Variants in ELOVL6 observed in about 807,000 individuals in gnomAD.
ELOVL6 encodes ELOVL fatty acid elongase 6.
In ELOVL6, 8 loss-of-function variants were observed where a neutral mutation model predicts 31.7. The ratio of observed to expected loss-of-function variants is 0.25; its 90% confidence interval spans 0.15 to 0.45. ELOVL6 has a LOEUF of 0.45. Ranked by LOEUF, ELOVL6 falls within the 20% of genes least tolerant of loss-of-function variation. The pLI is 1.00. For synonymous variants in ELOVL6, 101 were observed against 117.7 expected, an observed-to-expected ratio of 0.86 and a Z score of 0.92; for missense variants, 126 against 326.4, an observed-to-expected ratio of 0.39 and a Z score of 4.73.
At chr4:110,074,607 C>A (rs750712806) in intron 2 of ELOVL6, among the ~76,000 whole-genome samples, 1 of 152,086 alleles carries the variant, frequency 6.6e-6, no homozygotes, top group Non-Finnish European at 1.5e-5. Context: ...TTTGTTGGAG[C>A]TTATATCTTA....
At chr4:110,169,407 T>G (rs1381693125) in intron 1 of ELOVL6, among the ~76,000 whole-genome samples, 1 of 149,554 alleles carries the variant, frequency 6.7e-6, no homozygotes, top group Admixed American at 6.7e-5. Flanking sequence ...CCCAGCTAAT[T>G]TTTGTATTTT....
intron 2 of ELOVL6, among the ~76,000 whole-genome samples, chr4:110,083,947 A>ATG (rs1491366021): frequency 1.5e-5 from 1 of 68,024 alleles, no homozygotes; most frequent in Non-Finnish European, 3.0e-5. Context: ...TATATATAAC[A>ATG]TGTTATATAT....
intron 2 of ELOVL6, among the ~76,000 whole-genome samples, chr4:110,077,302 C>T (rs868813632): frequency 3.9e-5 from 6 of 152,168 alleles, no homozygotes; most frequent in Non-Finnish European, 7.3e-5. Context: ...TCAAGTGGGT[C>T]CCTGACCCCC....
At chr4:110,134,406 G>A (rs1757753794) in intron 1 of ELOVL6, among the ~76,000 whole-genome samples, 1 of 152,156 alleles carries the variant, frequency 6.6e-6, no homozygotes, top group South Asian at 2.1e-4. Context: ...CTTACCCTCA[G>A]GAGTCACTAT....
At chr4:110,171,133 C>T (rs1037172591) in intron 1 of ELOVL6, among the ~76,000 whole-genome samples, 31 of 152,160 alleles carry the variant, frequency 2.0e-4, no homozygotes, top group Non-Finnish European at 2.6e-4. Context: ...GTTGGCCAGG[C>T]GCTGTGGCTC....
intron 1 of ELOVL6, among the ~76,000 whole-genome samples, chr4:110,136,903 C>A (rs1415776999): frequency 6.6e-6 from 1 of 152,122 alleles, no homozygotes; most frequent in African/African-American, 2.4e-5. Flanking sequence ...ACAGGAATAT[C>A]TAGATGTCTT....
chr4:110,166,472 T>C (rs919102222), intron 1 of ELOVL6, among the ~76,000 whole-genome samples: 17 of 151,720 alleles, frequency 1.1e-4, no homozygotes, highest in Non-Finnish European at 2.1e-4. Context: ...ATTACCTGGG[T>C]GTGGTGGTAC....
At chr4:110,137,847 G>A (rs1274564414) in intron 1 of ELOVL6, among the ~76,000 whole-genome samples, 2 of 152,130 alleles carry the variant, frequency 1.3e-5, no homozygotes, top group African/African-American at 4.8e-5. Flanking sequence ...CAACAGAACT[G>A]TGCACATTCA....
At chr4:110,104,319 T>C (rs1049072267) in intron 2 of ELOVL6, among the ~76,000 whole-genome samples, 1 of 152,150 alleles carries the variant, frequency 6.6e-6, no homozygotes, top group Non-Finnish European at 1.5e-5. Flanking sequence ...CTGATACAGA[T>C]TGAACTGGAA....
chr4:110,094,181 G>A (rs1400647485), intron 2 of ELOVL6, among the ~76,000 whole-genome samples: 1 of 150,648 alleles, frequency 6.6e-6, no homozygotes, highest in Non-Finnish European at 1.5e-5. Flanking sequence ...CCCAGGAGGT[G>A]GAGGCTGCAG....
At chr4:110,120,869 T>A (rs1757335975) in intron 1 of ELOVL6, among the ~76,000 whole-genome samples, 1 of 151,364 alleles carries the variant, frequency 6.6e-6, no homozygotes, top group African/African-American at 2.4e-5. Flanking sequence ...GGAGCGATTT[T>A]GGCTCACTGC....
chr4:110,120,307 T>G (rs1281580297), intron 1 of ELOVL6, among the ~76,000 whole-genome samples: 1 of 150,642 alleles, frequency 6.6e-6, no homozygotes, highest in Non-Finnish European at 1.5e-5. Flanking sequence ...TATTTAGCTA[T>G]GTTTACACAG....
At chr4:110,066,636 A>AC (rs1755312201) in intron 2 of ELOVL6, among the ~76,000 whole-genome samples, 2 of 107,876 alleles carry the variant, frequency 1.9e-5, no homozygotes, top group African/African-American at 5.3e-5. Flanking sequence ...CTCTGTCTCA[A>AC]CAAAAAAAAA....
At chr4:110,053,777 T>C (rs573625780) in intron 3 of ELOVL6, among the ~76,000 whole-genome samples, 2 of 152,128 alleles carry the variant, frequency 1.3e-5, no homozygotes, top group South Asian at 4.1e-4. Context: ...ATCTCTACTA[T>C]AAAATTAAAA....
intron 2 of ELOVL6, among the ~76,000 whole-genome samples, chr4:110,098,158 C>T (rs1756642944): frequency 6.6e-6 from 1 of 152,064 alleles, no homozygotes; most frequent in Non-Finnish European, 1.5e-5. Context: ...CCAAATCATC[C>T]TTCCAGCAAA....
chr4:110,084,093 CATATAT>C (rs372818778), intron 2 of ELOVL6, among the ~76,000 whole-genome samples: 1 of 75,882 alleles, frequency 1.3e-5, no homozygotes, highest in African/African-American at 5.3e-5. Context: ...TGATATATAA[CATATAT>C]ATGATATATA....
intron 2 of ELOVL6, among the ~76,000 whole-genome samples, chr4:110,076,784 A>G (rs1755645361): frequency 6.6e-6 from 1 of 152,188 alleles, no homozygotes; most frequent in African/African-American, 2.4e-5. Context: ...AAGCAGGGCG[A>G]GGCATAACCT....
chr4:110,142,103 C>CTG (rs1284324097), intron 1 of ELOVL6, among the ~76,000 whole-genome samples: 1 of 123,726 alleles, frequency 8.1e-6, no homozygotes, highest in East Asian at 2.4e-4. Flanking sequence ...CGGAGTCTCG[C>CTG]TGTGTCACCC....
chr4:110,181,137 C>CAA (rs372790654), intron 1 of ELOVL6, among the ~76,000 whole-genome samples: 1,448 of 140,326 alleles, frequency 0.01, 21 homozygotes, highest in African/African-American at 0.036. Flanking sequence ...GACCCAGTCT[C>CAA]AAAAAAAAAA....
Sources: gnomAD v4.1 joint callset for allele counts (sites outside exome capture counted in the v4.1 genomes callset) on GRCh38, gnomAD v4.1.1 for gene constraint, MANE v1.5 for transcripts, NCBI Gene and HGNC (gene_info 2026-07-23, HGNC 2026-07-21) for gene names.